Variants in COL15A1 observed in about 807,000 individuals in gnomAD.
COL15A1 encodes the protein collagen type XV alpha 1 chain, also known as collagen alpha-1(XV) chain.
Under a neutral mutation model 165.9 loss-of-function variants are expected in COL15A1, and 111 were observed. The observed-to-expected ratio is 0.67, with a 90% confidence interval of 0.57 to 0.78. COL15A1 has a LOEUF of 0.78. Among genes scored for constraint, COL15A1 ranks in the 30% least tolerant of loss-of-function variants. The pLI, the probability that COL15A1 is intolerant of heterozygous loss-of-function variation, is 0.00. For synonymous variants in COL15A1, 659 were observed against 674.8 expected (o/e 0.98, Z 0.36); for missense variants, 1,745 against 1,789.7 (o/e 0.98, Z 0.45).
chr9:99,005,182 T>G (rs979622191), intron 9 of COL15A1, 132 bp downstream of exon 9: 11 of 962,750 alleles, frequency 1.1e-5, no homozygotes, highest in Admixed American at 3.0e-5. Flanking sequence ...AATACTCACT[T>G]GGGGGTGGAG....
intron 2 of COL15A1, among the ~76,000 whole-genome samples, chr9:98,970,902 G>A (rs1005164428): frequency 6.6e-6 from 1 of 152,150 alleles, no homozygotes; most frequent in African/African-American, 2.4e-5. Flanking sequence ...TAGTTTGTGT[G>A]GCGTGAACCT....
intron 35 of COL15A1, among the ~76,000 whole-genome samples, chr9:99,059,668 C>T (rs953520804): frequency 4.6e-5 from 7 of 152,254 alleles, no homozygotes; most frequent in African/African-American, 9.6e-5. Flanking sequence ...GCCATGGCTT[C>T]ATCCAGGGTA....
At chr9:99,024,717 T>C (rs1839090971) in intron 14 of COL15A1, among the ~76,000 whole-genome samples, 157 bp from the exon 15 acceptor site, 1 of 152,244 alleles carries the variant, frequency 6.6e-6, no homozygotes, top group East Asian at 1.9e-4. Flanking sequence ...TTGAGTCGCA[T>C]GGTCTCACTG....
At chr9:99,064,696 G>A (rs1825867435) in intron 39 of COL15A1, among the ~76,000 whole-genome samples, 1 of 152,160 alleles carries the variant, frequency 6.6e-6, no homozygotes, top group South Asian at 2.1e-4. Flanking sequence ...AGTGTCAAAG[G>A]CTGCCAGGAA....
intron 5 of COL15A1, among the ~76,000 whole-genome samples, chr9:98,990,704 G>A (rs1387284568): frequency 6.6e-6 from 1 of 152,196 alleles, no homozygotes; most frequent in Non-Finnish European, 1.5e-5. Flanking sequence ...AGAAGCTTGG[G>A]AGGGGGCACC....
At chr9:98,989,320 A>C (rs964263777) in intron 5 of COL15A1, 62 bp downstream of exon 5, 2 of 1,361,198 alleles carry the variant, frequency 1.5e-6, no homozygotes, top group Non-Finnish European at 2.1e-6. Flanking sequence ...GAGAATTACT[A>C]GAGGGGGCCC....
intron 9 of COL15A1, among the ~76,000 whole-genome samples, chr9:99,005,577 ACTC>A (rs1250343054): frequency 1.3e-5 from 2 of 151,356 alleles, no homozygotes; most frequent in Non-Finnish European, 2.9e-5. Context: ...TCAAACCTGA[ACTC>A]CTCCTTTCCA....
chr9:98,961,603 G>T (rs1837866155), intron 2 of COL15A1, among the ~76,000 whole-genome samples: 1 of 152,168 alleles, frequency 6.6e-6, no homozygotes, highest in African/African-American at 2.4e-5. Flanking sequence ...GAAGTTTCTG[G>T]GATGAAAGCA....
At chr9:99,019,018 TGA>T (rs982364504) in intron 11 of COL15A1, among the ~76,000 whole-genome samples, 6 of 151,854 alleles carry the variant, frequency 4.0e-5, no homozygotes, top group African/African-American at 1.5e-4. Context: ...AGAGATAGAA[TGA>T]GAGAGAGAAA....
chr9:98,944,335 C>A, intron 2 of COL15A1, 85 bp downstream of exon 2: 2 of 1,296,534 alleles, frequency 1.5e-6, no homozygotes, highest in Non-Finnish European at 1.1e-6. Flanking sequence ...GGCTGCGATG[C>A]GTGCCTCATT....
chr9:98,969,999 G>A (rs896890003), intron 2 of COL15A1, among the ~76,000 whole-genome samples: 1 of 149,862 alleles, frequency 6.7e-6, no homozygotes, highest in African/African-American at 2.5e-5. Flanking sequence ...ACCTGAACCA[G>A]CTCAATCAAC....
At chr9:99,031,722 G>T (rs1839215562) in intron 16 of COL15A1, among the ~76,000 whole-genome samples, 4 of 152,166 alleles carry the variant, frequency 2.6e-5, no homozygotes, top group Admixed American at 2.6e-4. Context: ...GTGCCTTCGG[G>T]CTGGTAGGTG....
rs376274807 is a variant in COL15A1 at position 99,040,571 on chromosome 9, C to T, written c.2511+15C>T. 17 of 1,614,228 alleles carry T rather than the reference C, an allele frequency of 1.1e-5. No homozygotes were observed. Among genetic ancestry groups the T allele is most frequent in the Middle Eastern group, 1.6e-4 (1 of 6,062 alleles). ...CAGGATTTCCAGTAAGTACCACCCT[C>T]GCTGTCTTCTATCTGTGCCCCGTGG... On this transcript the variant is annotated intron_variant, in intron 23 of 41. Coordinates refer to ENST00000375001, the MANE Select transcript of COL15A1 (RefSeq NM_001855.5).
At chr9:98,986,240 G>A (rs1214167210) in intron 3 of COL15A1, 128 bp downstream of exon 3, 2 of 777,486 alleles carry the variant, frequency 2.6e-6, no homozygotes, top group Non-Finnish European at 4.0e-6. Flanking sequence ...GTGTTATGAT[G>A]GGAAATAACA....
intron 2 of COL15A1, among the ~76,000 whole-genome samples, chr9:98,964,554 GTTAT>G (rs1837924552): frequency 6.6e-6 from 1 of 152,132 alleles, no homozygotes; most frequent in South Asian, 2.1e-4. Context: ...AATTTCTCTG[GTTAT>G]TTCTTTTCCC....
intron 23 of COL15A1, chr9:99,040,917 A>T (rs1417599632): frequency 8.7e-6 from 2 of 231,146 alleles, no homozygotes; most frequent in Middle Eastern, 1.6e-3. Context: ...GAGAATGGCA[A>T]CCATGACCAC....
At chr9:99,034,519 G>A in intron 16 of COL15A1, 30 bp from the exon 17 acceptor site, 1 of 1,455,258 alleles carries the variant, frequency 6.9e-7, no homozygotes, top group Non-Finnish European at 9.2e-7. Context: ...TGCATTAATT[G>A]GTCCATGTTT....
intron 2 of COL15A1, among the ~76,000 whole-genome samples, chr9:98,975,035 G>T (rs540071880): frequency 2.0e-5 from 3 of 151,902 alleles, no homozygotes; most frequent in Non-Finnish European, 4.4e-5. Flanking sequence ...GGTTCACAGC[G>T]CAGGTGGAAA....
At position 99,069,836 on chromosome 9, in the gene COL15A1, C is replaced by T; in HGVS notation, c.4117C>T (p.Leu1373=). The T allele has an allele frequency of 6.2e-7, 1 of 1,614,082 alleles. No homozygotes were observed. The highest frequency in any genetic ancestry group is 2.2e-5 in the East Asian group (1 of 44,880). Residue 1373 remains leucine, a synonymous_variant, in exon 42 of 42, where the codon CTA becomes TTA. Coordinates refer to ENST00000375001, the MANE Select transcript of COL15A1 (RefSeq NM_001855.5). ...DQKAYSCANR[L]IVLCIENSFM... ...GAAAGCATACAGCTGTGCTAATCGG[C>T]TAATTGTCCTATGTATCGAAAACAG...
Sources: gnomAD v4.1 joint callset for allele counts (sites outside exome capture counted in the v4.1 genomes callset) on GRCh38, gnomAD v4.1.1 for gene constraint, MANE v1.5 for transcripts, NCBI Gene and HGNC (gene_info 2026-07-23, HGNC 2026-07-21) for gene names.